The following AKAP11 variants were observed in gnomAD, a reference collection of about 807,000 sequenced individuals.
AKAP11 encodes the protein A-kinase anchor protein 11.
Under a neutral mutation model 146.1 loss-of-function variants are expected in AKAP11, and 36 were observed. The ratio of observed to expected loss-of-function variants is 0.25; its 90% CI spans 0.19 to 0.33. AKAP11 has a LOEUF of 0.33. Ranked by LOEUF, AKAP11 falls within the 10% of genes least tolerant of loss-of-function variation. AKAP11 has a pLI of 1.00. For synonymous variants in AKAP11, 780 were observed against 786.5 expected, an observed-to-expected ratio of 0.99 and a Z score of 0.14; for missense variants, 2,201 against 2,197.0, an observed-to-expected ratio of 1.00 and a Z score of -0.04.
intron 8 of AKAP11, among the ~76,000 whole-genome samples, chr13:42,306,640 ATT>A (rs927685056): frequency 4.6e-5 from 7 of 152,170 alleles, no homozygotes; most frequent in Admixed American, 4.6e-4. Flanking sequence ...TACGTTTAAC[ATT>A]TTTTATTTCT....
chr13:42,305,529 T>A (rs1960208373), intron 8 of AKAP11, among the ~76,000 whole-genome samples: 1 of 152,202 alleles, frequency 6.6e-6, no homozygotes, highest in Admixed American at 6.5e-5. Flanking sequence ...TGTTTTTTTT[T>A]AATGGTTGAA....
At position 42,299,392 on chromosome 13, in the gene AKAP11, T is replaced by C. The variant is rs1344015944; in HGVS notation, c.646T>C (p.Cys216Arg). 1 of 1,613,584 alleles carries C rather than the reference T, an allele frequency of 6.2e-7. No homozygotes were observed. Among genetic ancestry groups the C allele is most frequent in the Non-Finnish European group, 8.5e-7 (1 of 1,179,772 alleles). ...GAACATTACTGTGCTAAGGAGCCAG[T>C]GTGATGCTGCTTCCCAGACGGTTAC... ...GMNITVLRSQ[C>R]DAASQTVTGH... is the part of the protein sequence containing the mutation. The change falls in exon 8 of 13, where the codon TGT (cysteine) becomes CGT (arginine). Residue 216 changes from cysteine to arginine, a missense_variant. Transcript: ENST00000025301.
chr13:42,278,995 A>G (rs1295665655), intron 1 of AKAP11, among the ~76,000 whole-genome samples: 1 of 151,072 alleles, frequency 6.6e-6, no homozygotes, highest in Non-Finnish European at 1.5e-5. Context: ...TTTCCGGTTC[A>G]TATAGATGTG....
At chr13:42,271,768 C>T (rs532407223), upstream of AKAP11, among the ~76,000 whole-genome samples, 9 of 152,112 alleles carry the variant, frequency 5.9e-5, no homozygotes, top group African/African-American at 2.2e-4. Context: ...GCCGCAGGTT[C>T]GTAGGTCGCC....
At chr13:42,314,627 A>T (rs955828529) in intron 11 of AKAP11, among the ~76,000 whole-genome samples, 2 of 152,096 alleles carry the variant, frequency 1.3e-5, no homozygotes, top group African/African-American at 4.8e-5. Flanking sequence ...TTTCCTTCCA[A>T]ACTGGTAACT....
Position 42,308,489 on chromosome 13 carries a change from C to G in AKAP11, c.5153C>G (p.Ser1718Cys). The change falls in exon 9 of 13, where the codon TCT becomes TGT. Residue 1718 changes from serine (S) to cysteine (C), a missense_variant. Physicochemically the swap from Ser to Cys is moderately radical, Grantham distance 112. This residue lies in a region of AKAP11 where 1,867 missense variants were observed against 1,833.5 expected (regional missense o/e 1.02). Coordinates refer to ENST00000025301, the MANE Select transcript of AKAP11 (RefSeq NM_016248.4). The part of the protein sequence containing the change: ...KEIEDFQSTE[S>C]VSSQQMNLSI... ...ATAGAAGACTTTCAGTCAACCGAGT[C>G]TGTCAGTAGCCAGCAGATGAACCTC... is the stretch of plus-strand genomic sequence containing the variant. The G allele has an allele frequency of 6.2e-7, 1 of 1,606,726 alleles. No individual in the cohort carries two copies. Among genetic ancestry groups the G allele is most frequent in the South Asian group, 1.1e-5 (1 of 89,746 alleles).
intron 1 of AKAP11, among the ~76,000 whole-genome samples, chr13:42,281,668 A>T (rs893045320): frequency 2.6e-5 from 4 of 152,150 alleles, no homozygotes; most frequent in African/African-American, 9.7e-5. Flanking sequence ...GTATCTACCC[A>T]GATGAAACCA....
chr13:42,302,673 A>G lies in AKAP11; in HGVS notation c.3927A>G (p.Val1309=). Residue 1309 remains valine (V), a synonymous_variant, in exon 8 of 13, where the codon GTA becomes GTG. Coordinates refer to ENST00000025301, the MANE Select transcript of AKAP11 (RefSeq NM_016248.4). ...KVEEKLDIEA[V]VHPREVDPFI... ...AAGAGAAGTTGGATATAGAGGCTGT[A>G]GTGCACCCAAGAGAAGTGGATCCGT... The G allele has an allele frequency of 6.2e-7, 1 of 1,614,152 alleles. No individual in the cohort carries two copies. Among genetic ancestry groups the G allele is most frequent in the East Asian group, 2.2e-5 (1 of 44,880 alleles).
At chr13:42,275,786 A>G (rs868359224) in intron 1 of AKAP11, among the ~76,000 whole-genome samples, 1 of 152,196 alleles carries the variant, frequency 6.6e-6, no homozygotes, top group African/African-American at 2.4e-5. Flanking sequence ...TTATGAATTC[A>G]TGTATGTAAA....
rs758763051 is a variant in AKAP11, at chr13:42,299,529, A to G, written c.783A>G (p.Leu261=). The G allele has an allele frequency of 3.8e-5, 62 of 1,613,888 alleles. No individual in the cohort carries two copies. Among genetic ancestry groups the G allele is most frequent in the Non-Finnish European group, 5.2e-5 (61 of 1,179,910 alleles). The change falls in exon 8 of 13, where the codon CTA becomes CTG. Residue 261 remains leucine, a synonymous_variant. Transcript: ENST00000025301. ...SSVNVLGHKE[L]PSVKTSVTTS... Reference sequence around the variant, plus strand: ...TGAATGTCCTGGGACATAAAGAACTACCTTCTGTGAAAACTTCAGTCACAA... The same window carrying G: ...TGAATGTCCTGGGACATAAAGAACTGCCTTCTGTGAAAACTTCAGTCACAA...
intron 4 of AKAP11, among the ~76,000 whole-genome samples, chr13:42,293,188 C>T (rs1959296630): frequency 6.6e-6 from 1 of 152,124 alleles, no homozygotes; most frequent in South Asian, 2.1e-4. Context: ...AATAAGCGTT[C>T]TAATAAAATC....
At chr13:42,318,634 TGAGGCTA>T in intron 12 of AKAP11, among the ~76,000 whole-genome samples, 1 of 152,344 alleles carries the variant, frequency 6.6e-6, no homozygotes, top group South Asian at 2.1e-4. Flanking sequence ...ATGTTTCCAT[TGAGGCTA>T]GAGTGTGTAT....
intron 9 of AKAP11, among the ~76,000 whole-genome samples, chr13:42,311,361 A>G (rs1162850668): frequency 6.6e-6 from 1 of 152,246 alleles, no homozygotes; most frequent in Non-Finnish European, 1.5e-5. Context: ...GGGTTAATAC[A>G]GGGTGATCAT....
At chr13:42,272,587 G>GCGTGGTGCGCGTGCTTAGTGTGTGTT (rs562789847) in intron 1 of AKAP11, among the ~76,000 whole-genome samples, 1 of 152,204 alleles carries the variant, frequency 6.6e-6, no homozygotes, top group Non-Finnish European at 1.5e-5. Flanking sequence ...CCCCCCGGGT[G>GCGTGGTGCGCGTGCTTAGTGTGTGTT]CGTGGTGCGC....
At chr13:42,297,888 A>ATTTAC (rs4053751) in intron 6 of AKAP11, among the ~76,000 whole-genome samples, 132,074 of 151,472 alleles carry the variant, frequency 0.87, 57,659 homozygotes, top group Admixed American at 0.92. Context: ...CTTTATTCGT[A>ATTTAC]TTTGCTTTAT....
chr13:42,278,292 TG>T (rs1958976241), intron 1 of AKAP11, among the ~76,000 whole-genome samples: 1 of 152,232 alleles, frequency 6.6e-6, no homozygotes, highest in Non-Finnish European at 1.5e-5. Context: ...TACGATTGAC[TG>T]TTGTTTTGAA....
Position 42,301,086 on chromosome 13 carries a change from A to G in AKAP11, c.2340A>G (p.Ile780Met). Residue 780 changes from isoleucine (I) to methionine (M), a missense_variant, in exon 8 of 13, where the codon ATA (isoleucine) becomes ATG (methionine). This residue lies in a region of AKAP11 where 1,867 missense variants were observed against 1,833.5 expected (regional missense o/e 1.02). Coordinates refer to ENST00000025301, the MANE Select transcript of AKAP11 (RefSeq NM_016248.4). ...GTACTTCTGGAATTGTTACTTCTAT[A>G]CCGGTGCCCTTGGCAGGAAGTGCCC... ...LFCTSGIVTS[I>M]PVPLAGSALL... The G allele has an allele frequency of 6.2e-7, 1 of 1,614,014 alleles. No homozygotes were observed. The highest frequency in any genetic ancestry group is 8.5e-7 in the Non-Finnish European group (1 of 1,179,958).
In AKAP11 at chr13:42,302,995, C is replaced by G; in HGVS notation, c.4249C>G (p.His1417Asp). ...ACTGTTAATGTTTTCAAACAAAGAG[C>G]ACCACCAAGAAGCAGACAAAAAGAG... ...KELLMFSNKE[H>D]HQEADKKRQS... The change falls in exon 8 of 13, where the codon CAC becomes GAC. Residue 1417 changes from histidine to aspartate, a missense_variant. Transcript: ENST00000025301. 1 of 1,613,480 alleles carries G rather than the reference C, an allele frequency of 6.2e-7. No homozygotes were observed. The highest frequency in any genetic ancestry group is 8.5e-7 in the Non-Finnish European group (1 of 1,179,938).
chr13:42,305,582 T>G (rs1960210996), intron 8 of AKAP11, among the ~76,000 whole-genome samples: 1 of 152,178 alleles, frequency 6.6e-6, no homozygotes, highest in Non-Finnish European at 1.5e-5. Context: ...TATATGAAAT[T>G]CAAATTTCAG....
Sources: gnomAD v4.1 joint callset for allele counts (sites outside exome capture counted in the v4.1 genomes callset) on GRCh38, gnomAD v4.1.1 for gene constraint, gnomAD v4.1.1 regional missense constraint, MANE v1.5 for transcripts, NCBI Gene and HGNC (gene_info 2026-07-23, HGNC 2026-07-21) for gene names.